Variants in SLC8A3 observed in about 807,000 individuals in gnomAD.
The protein encoded by SLC8A3 is sodium/calcium exchanger 3.
SLC8A3 carries 37 observed loss-of-function variants against 65.4 expected under a neutral mutation model. That is an observed-to-expected ratio of 0.57 (90% CI 0.44 to 0.74). The LOEUF is 0.74. Ranked by LOEUF, SLC8A3 falls within the 30% of genes least tolerant of loss-of-function variation. SLC8A3 has a pLI of 0.00. For synonymous variants in SLC8A3, 461 were observed against 444.5 expected (o/e 1.04, Z -0.47); for missense variants, 1,112 against 1,172.1 (o/e 0.95, Z 0.75).
At chr14:70,048,308 C>A (rs1887030133) in intron 6 of SLC8A3, 7 of 320,012 alleles carry the variant, frequency 2.2e-5, no homozygotes, top group Middle Eastern at 9.4e-4. Context: ...TAATCTTTAA[C>A]CTCTCAGAGA....
intron 2 of SLC8A3, among the ~76,000 whole-genome samples, chr14:70,079,319 A>C (rs1478449402): frequency 7.7e-6 from 1 of 130,192 alleles, no homozygotes; most frequent in Non-Finnish European, 1.6e-5. Flanking sequence ...CCCTGTCTCT[A>C]CTAAAAAATA....
At chr14:70,173,866 T>C (rs1897702714) in intron 1 of SLC8A3, among the ~76,000 whole-genome samples, 1 of 151,964 alleles carries the variant, frequency 6.6e-6, no homozygotes, top group Non-Finnish European at 1.5e-5. Flanking sequence ...CTCTCAAGAG[T>C]AGGAAAGATG....
rs1177990087 is a variant in SLC8A3 at position 70,166,840 on chromosome 14, T to C, written c.1583A>G (p.His528Arg). ...ACATTCAAAAGTGAAGATGCCTGCA[T>C]GGTCATCATCCAAGATGGTAACTGT... ...VATVTILDDD[H>R]AGIFTFECDT... The change falls in exon 2 of 7, where the codon CAT becomes CGT. Residue 528 changes from histidine (H) to arginine (R), a missense_variant. Physicochemically the swap from His to Arg is conservative, Grantham distance 29. Coordinates refer to ENST00000356921, the MANE Select transcript of SLC8A3 (RefSeq NM_182932.3). 1 of 1,614,124 alleles carries C rather than the reference T, an allele frequency of 6.2e-7. No homozygotes were observed.
At chr14:70,174,662 G>GTTTTTTTTTTTT (rs10527244) in intron 1 of SLC8A3, among the ~76,000 whole-genome samples, 26 of 66,502 alleles carry the variant, frequency 3.9e-4, no homozygotes, top group East Asian at 7.9e-4. Flanking sequence ...TTTTTTTTTT[G>GTTTTTTTTTTTT]TTTTTTTTTT....
intron 5 of SLC8A3, among the ~76,000 whole-genome samples, chr14:70,049,687 G>A (rs1887250935): frequency 6.6e-6 from 1 of 152,114 alleles, no homozygotes; most frequent in Admixed American, 6.5e-5. Context: ...AAGGAGAGAA[G>A]TGAAATCAGT....
intron 2 of SLC8A3, among the ~76,000 whole-genome samples, chr14:70,161,567 C>T (rs924724354): frequency 6.6e-6 from 1 of 152,092 alleles, no homozygotes; most frequent in African/African-American, 2.4e-5. Context: ...CCACTGAAGG[C>T]AGAAGGAAAG....
At chr14:70,134,871 C>T (rs1023119935) in intron 2 of SLC8A3, among the ~76,000 whole-genome samples, 2 of 152,134 alleles carry the variant, frequency 1.3e-5, no homozygotes, top group Admixed American at 6.5e-5. Context: ...AGTCCTAAAC[C>T]CTTGTACCTC....
chr14:70,099,242 G>A (rs1263822306), intron 2 of SLC8A3, among the ~76,000 whole-genome samples: 5 of 152,176 alleles, frequency 3.3e-5, no homozygotes, highest in Non-Finnish European at 7.3e-5. Context: ...TTTAGCCCAT[G>A]AGCTGTTCTT....
Position 70,090,489 on chromosome 14 carries a change from C to T in SLC8A3, c.1785-29550G>A, listed in dbSNP as rs533001631. On this transcript the variant is annotated intron_variant, in intron 2 of 6. Transcript: ENST00000356921. Reference sequence around the variant, plus strand: ...AGAACCCCAAATCAGTCCACATTTTCCTAATCGTGGTATACAGGTTTGATT... The same window carrying T: ...AGAACCCCAAATCAGTCCACATTTTTCTAATCGTGGTATACAGGTTTGATT... 6.6e-5 allele frequency among the ~76,000 whole-genome samples: 10 copies of T among 152,266 alleles called. 1 individual carries two copies. The South Asian group carries it at 2.1e-3, about 32-fold the overall frequency.
chr14:70,176,738 C>T (rs1182372434), intron 1 of SLC8A3, among the ~76,000 whole-genome samples: 1 of 152,240 alleles, frequency 6.6e-6, no homozygotes, highest in Non-Finnish European at 1.5e-5. Context: ...CCCACATAAG[C>T]AGATTTTCCC....
At position 70,046,207 on chromosome 14, in the gene SLC8A3, C is replaced by T. The variant is rs771904996; in HGVS notation, c.2506G>A (p.Val836Met). Residue 836 changes from valine to methionine, a missense_variant, in exon 7 of 7, where the codon GTG becomes ATG. Coordinates refer to ENST00000356921, the MANE Select transcript of SLC8A3 (RefSeq NM_182932.3). This position sits in a 1 kb window ranked among gnomAD's most constrained non-coding sequence, Gnocchi z 4.2. ...TGCAGAGCCCAGTAGATGGCGGCCA[C>T]GGACCAGGCCAGGCCGATGCCCAGG... The part of the protein sequence containing the change: ...VFLGIGLAWS[V>M]AAIYWALQGQ... The T allele has an allele frequency of 6.8e-6, 11 of 1,614,076 alleles. No individual in the cohort carries two copies. In the Admixed American group the frequency reaches 1.5e-4, roughly 22 times the overall value.
intron 3 of SLC8A3, among the ~76,000 whole-genome samples, chr14:70,056,755 A>G (rs1888168378): frequency 6.6e-6 from 1 of 152,230 alleles, no homozygotes; most frequent in Non-Finnish European, 1.5e-5. Context: ...ACAGCTATAC[A>G]TAGATGAGAG....
chr14:70,174,323 C>T (rs1458827623), intron 1 of SLC8A3, among the ~76,000 whole-genome samples: 1 of 152,202 alleles, frequency 6.6e-6, no homozygotes, highest in Non-Finnish European at 1.5e-5. Flanking sequence ...CCAGCCTCGC[C>T]TCAATGAGGT....
At chr14:70,103,547 GCTT>G (rs1892667072) in intron 2 of SLC8A3, among the ~76,000 whole-genome samples, 1 of 152,026 alleles carries the variant, frequency 6.6e-6, no homozygotes, top group Non-Finnish European at 1.5e-5. Context: ...ACTGCTGCAA[GCTT>G]CTTCTATTTT....
At chr14:70,184,175 GC>G (rs1162239400) in intron 1 of SLC8A3, among the ~76,000 whole-genome samples, 3 of 151,988 alleles carry the variant, frequency 2.0e-5, no homozygotes, top group South Asian at 4.1e-4. Flanking sequence ...AGAAACCCCC[GC>G]CCTCACCTTC....
intron 2 of SLC8A3, among the ~76,000 whole-genome samples, chr14:70,096,012 G>T (rs978419509): frequency 2.6e-5 from 4 of 152,206 alleles, no homozygotes; most frequent in African/African-American, 9.6e-5. Flanking sequence ...CTCCCAAGTA[G>T]CTGGGACTAC....
chr14:70,156,862 CA>C (rs1896604050), intron 2 of SLC8A3, among the ~76,000 whole-genome samples: 1 of 152,148 alleles, frequency 6.6e-6, no homozygotes, highest in African/African-American at 2.4e-5. Context: ...TCTGGAAATC[CA>C]AACCCAGAAA....
chr14:70,116,426 G>A (rs1314355559), intron 2 of SLC8A3, among the ~76,000 whole-genome samples: 5 of 152,122 alleles, frequency 3.3e-5, no homozygotes, highest in African/African-American at 1.2e-4. Flanking sequence ...AGCACAGTTT[G>A]AGAACTTTGG....
At chr14:70,082,311 C>A (rs1343524171) in intron 2 of SLC8A3, among the ~76,000 whole-genome samples, 1 of 152,090 alleles carries the variant, frequency 6.6e-6, no homozygotes, top group Admixed American at 6.5e-5. Flanking sequence ...TTAGCTGAAG[C>A]TTTTAGGTAA....
Sources: gnomAD v4.1 joint callset for allele counts (sites outside exome capture counted in the v4.1 genomes callset) on GRCh38, gnomAD v4.1.1 for gene constraint, Gnocchi (gnomAD v3.1) non-coding constraint, MANE v1.5 for transcripts, NCBI Gene and HGNC (gene_info 2026-07-23, HGNC 2026-07-21) for gene names.